Variants in VPS13D observed in about 807,000 individuals in gnomAD.
VPS13D encodes vacuolar protein sorting 13 homolog D.
Under a neutral mutation model 461.9 loss-of-function variants are expected in VPS13D, and 187 were observed. The ratio of observed to expected loss-of-function variants is 0.40; its 90% CI spans 0.36 to 0.46. The LOEUF (loss-of-function observed/expected upper bound fraction) is 0.46. Among genes scored for constraint, VPS13D ranks in the 20% least tolerant of loss-of-function variants. VPS13D has a pLI of 0.60. For missense variants in VPS13D, 4,711 were observed against 5,364.9 expected, an observed-to-expected ratio of 0.88 and a Z score of 3.81; for synonymous variants, 1,951 against 1,986.3, an observed-to-expected ratio of 0.98 and a Z score of 0.47.
chr1:12,373,989 C>A, intron 55 of VPS13D, 131 bp downstream of exon 55: 1 of 564,070 alleles, frequency 1.8e-6, no homozygotes, highest in South Asian at 2.3e-5. Context: ...GGCCTCTTGG[C>A]ATTTCCAGGT....
chr1:12,415,233 A>G lies in VPS13D; in HGVS notation c.12165+12A>G. On this transcript the variant is annotated intron_variant, in intron 64 of 69. Coordinates refer to ENST00000620676, the MANE Select transcript of VPS13D (RefSeq NM_015378.4). ...AACATTTCCAGGAGGTGAGGCTTGG[A>G]GAAGTAATCATTGGCTGGAGCATAA... 1.2e-6 allele frequency: 2 copies of G among 1,613,934 alleles called. No homozygotes were observed. Among genetic ancestry groups the G allele is most frequent in the Non-Finnish European group, 8.5e-7 (1 of 1,179,916 alleles).
intron 61 of VPS13D, among the ~76,000 whole-genome samples, chr1:12,400,743 A>T (rs1385834163): frequency 6.6e-6 from 1 of 152,128 alleles, no homozygotes. Flanking sequence ...TCTTGAGCCC[A>T]GGAGTTTGAG....
chr1:12,314,365 A>C, intron 30 of VPS13D, 38 bp downstream of exon 30: 1 of 1,589,036 alleles, frequency 6.3e-7, no homozygotes. Flanking sequence ...TTCTTTGTGG[A>C]GACATTCCCT....
At position 12,277,495 on chromosome 1, in the gene VPS13D, T is replaced by G. The variant is rs771658445; in HGVS notation, c.3907T>G (p.Leu1303Val). The G allele has an allele frequency of 6.2e-7, 1 of 1,613,942 alleles. No homozygotes were observed. The highest frequency in any genetic ancestry group is 1.1e-5 in the South Asian group (1 of 91,078). ...CCACTCTGCTAAGTTTTTGAAGGAG[T>G]TGACGTTATCCATGGATGAACTGGA... ...YNHSAKFLKE[L>V]TLSMDELEEN... Residue 1303 changes from leucine (L) to valine (V), a missense_variant, in exon 19 of 70, where the codon TTG becomes GTG. By Grantham distance (32) the Leu-to-Val change is conservative. Coordinates refer to ENST00000620676, the MANE Select transcript of VPS13D (RefSeq NM_015378.4).
chr1:12,253,928 T>G (rs893637859), intron 7 of VPS13D, 102 bp downstream of exon 7: 1 of 855,898 alleles, frequency 1.2e-6, no homozygotes, highest in Admixed American at 2.1e-5. Flanking sequence ...CTGATTCCAG[T>G]TCCCACCCAC....
At chr1:12,260,493 A>G (rs1286977609) in intron 10 of VPS13D, among the ~76,000 whole-genome samples, 200 bp from the exon 11 acceptor site, 1 of 152,020 alleles carries the variant, frequency 6.6e-6, no homozygotes, top group African/African-American at 2.4e-5. Flanking sequence ...AATAACATCT[A>G]CTGGATTATA....
intron 30 of VPS13D, among the ~76,000 whole-genome samples, 172 bp downstream of exon 30, chr1:12,314,499 C>T (rs1436362468): frequency 2.0e-5 from 3 of 152,136 alleles, no homozygotes; most frequent in African/African-American, 7.2e-5. Context: ...TATAATCTTG[C>T]AGTTTCATTT....
At chr1:12,292,600 C>T (rs971143792) in intron 23 of VPS13D, among the ~76,000 whole-genome samples, 35 of 151,850 alleles carry the variant, frequency 2.3e-4, no homozygotes, top group South Asian at 4.2e-4. Flanking sequence ...CCATCACACC[C>T]GGCTAATTTT....
chr1:12,467,720 C>T (rs938858194), intron 67 of VPS13D, among the ~76,000 whole-genome samples: 6 of 152,126 alleles, frequency 3.9e-5, no homozygotes, highest in South Asian at 2.1e-4. Context: ...CATGCACACA[C>T]GTGTTTGAGA....
chr1:12,461,130 T>A (rs1460375240), intron 67 of VPS13D, among the ~76,000 whole-genome samples: 1 of 152,194 alleles, frequency 6.6e-6, no homozygotes, highest in Non-Finnish European at 1.5e-5. Flanking sequence ...GGGATTCTTA[T>A]CAACAAAGGG....
intron 67 of VPS13D, among the ~76,000 whole-genome samples, chr1:12,489,362 C>A (rs1405154684): frequency 6.6e-6 from 1 of 152,146 alleles, no homozygotes; most frequent in Admixed American, 6.5e-5. Flanking sequence ...GAAAACCCAG[C>A]CCAGGAAATG....
chr1:12,354,131 T>C lies in VPS13D; in HGVS notation c.9589T>C (p.Tyr3197His). The C allele has an allele frequency of 6.2e-7, 1 of 1,614,186 alleles. No individual in the cohort carries two copies. Among genetic ancestry groups the C allele is most frequent in the Non-Finnish European group, 8.5e-7 (1 of 1,180,024 alleles). The part of the protein sequence containing the change: ...CNLLPCELDF[Y>H]VKGMPINGTL... ...CTTGCTACCCTGTGAACTTGATTTT[T>C]ATGTTAAAGGAATGCCAATTAATGG... is the stretch of plus-strand genomic sequence containing the variant. Residue 3197 changes from tyrosine (Y) to histidine (H), a missense_variant, in exon 47 of 70, where the codon TAT becomes CAT. By Grantham distance (83) the Tyr-to-His change is moderately conservative (BLOSUM62 2). Coordinates refer to ENST00000620676, the MANE Select transcript of VPS13D (RefSeq NM_015378.4).
intron 67 of VPS13D, among the ~76,000 whole-genome samples, chr1:12,476,163 A>G (rs763572297): frequency 2.0e-5 from 3 of 152,170 alleles, no homozygotes; most frequent in Non-Finnish European, 4.4e-5. Flanking sequence ...TCTACATCTC[A>G]TTTGTAAGCA....
chr1:12,345,507 A>G lies in VPS13D; in HGVS notation c.9019A>G (p.Thr3007Ala). Residue 3007 changes from threonine to alanine, a missense_variant and splice_region_variant, in exon 43 of 70, where the codon ACG (threonine) becomes GCG (alanine). Coordinates refer to ENST00000620676, the MANE Select transcript of VPS13D (RefSeq NM_015378.4). ...ACCAGATAAAAATTCATCTTCCTCT[A>G]CGGTGTGTGACATTCAGGAAGTCAG... ...AAPDKNSSSS[T>A]IGSPSSRTNI... The G allele has an allele frequency of 6.2e-7, 1 of 1,608,516 alleles. No homozygotes were observed. Among genetic ancestry groups the G allele is most frequent in the South Asian group, 1.1e-5 (1 of 90,886 alleles).
At position 12,283,728 on chromosome 1, in the gene VPS13D, G is replaced by T. The variant is rs776264916; in HGVS notation, c.5626G>T (p.Asp1876Tyr). 6.2e-7 allele frequency: 1 copy of T among 1,611,464 alleles called. No homozygotes were observed. The highest frequency in any genetic ancestry group is 1.3e-5 in the African/African-American group (1 of 74,974). Residue 1876 changes from aspartate (D) to tyrosine (Y), a missense_variant, in exon 21 of 70, where the codon GAT becomes TAT. This residue lies in a region of VPS13D where 4,411 missense variants were observed against 4,937.8 expected (regional missense o/e 0.89). Coordinates refer to ENST00000620676, the MANE Select transcript of VPS13D (RefSeq NM_015378.4). ...GLQDPVNTKL[D>Y]LKVHSLSLVL... Reference sequence around the variant, plus strand: ...TCAGGATCCAGTGAACACCAAACTGGATCTCAAGGTATCCTCAGTTCCCTT... The same window carrying T: ...TCAGGATCCAGTGAACACCAAACTGTATCTCAAGGTATCCTCAGTTCCCTT...
intron 60 of VPS13D, among the ~76,000 whole-genome samples, chr1:12,391,097 G>T (rs887521847): frequency 6.6e-6 from 1 of 152,208 alleles, no homozygotes; most frequent in Non-Finnish European, 1.5e-5. Context: ...CATCCATCCA[G>T]CCAAATCATT....
In VPS13D at chr1:12,282,950, T is replaced by C. The variant is rs1641833219; in HGVS notation, c.4848T>C (p.Thr1616=). ...SLSVKEVKSF[T]QIQATFCISE... ...CAGTGAAGGAAGTCAAATCCTTTAC[T>C]CAGATTCAAGCCACCTTTTGTATAT... is the stretch of plus-strand genomic sequence containing the variant. Residue 1616 remains threonine, a synonymous_variant, in exon 21 of 70, where the codon ACT becomes ACC. Transcript: ENST00000620676. 2 of 1,614,152 alleles carry C rather than the reference T, an allele frequency of 1.2e-6. No individual in the cohort carries two copies. The highest frequency in any genetic ancestry group is 3.3e-5 in the Admixed American group (2 of 60,012).
chr1:12,308,482 A>T lies in VPS13D; in HGVS notation c.6491A>T (p.Asp2164Val). The T allele has an allele frequency of 3.1e-6, 5 of 1,614,080 alleles. No individual in the cohort carries two copies. The highest frequency in any genetic ancestry group is 4.2e-6 in the Non-Finnish European group (5 of 1,180,016). Residue 2164 changes from aspartate (D) to valine (V), a missense_variant, in exon 27 of 70, where the codon GAC becomes GTC. Coordinates refer to ENST00000620676, the MANE Select transcript of VPS13D (RefSeq NM_015378.4). The stretch of plus-strand genomic sequence containing the variant: ...GTTGTCGTGGATCTCCAGGACATGG[A>T]CATCTTTGCTGCAGAGAGACATCCG... ...DCVVVDLQDM[D>V]IFAAERHPRE...
chr1:12,304,325 G>A lies in VPS13D; in HGVS notation c.6217-181G>A, dbSNP rs184643057. Among the ~76,000 whole-genome samples, 249 of 152,272 alleles carry A rather than the reference G, an allele frequency of 1.6e-3. 3 individuals are homozygous for A. The highest frequency in any genetic ancestry group is 2.4e-3 in the Non-Finnish European group (160 of 68,016). ...ATAATTTTTTGTGGCAGTAAATGTC[G>A]TGATCCTGGTAGCCTCTTGTTTATG... On this transcript the variant is annotated intron_variant, in intron 25 of 69. Transcript: ENST00000620676.
Sources: gnomAD v4.1 joint callset for allele counts (sites outside exome capture counted in the v4.1 genomes callset) on GRCh38, gnomAD v4.1.1 for gene constraint, gnomAD v4.1.1 regional missense constraint, MANE v1.5 for transcripts, NCBI Gene and HGNC (gene_info 2026-07-23, HGNC 2026-07-21) for gene names.